Variants in LRP1B observed in about 807,000 individuals in gnomAD.
The protein encoded by LRP1B is LDL receptor related protein 1B, also known as low-density lipoprotein receptor-related protein 1B.
A neutral mutation model predicts 556.6 loss-of-function variants in LRP1B; 217 were observed. That is an observed-to-expected ratio of 0.39 (90% CI 0.35 to 0.44). The LOEUF (loss-of-function observed/expected upper bound fraction) is 0.44. Ranked by LOEUF, LRP1B falls within the 20% of genes least tolerant of loss-of-function variation. LRP1B has a pLI of 1.00. For missense variants in LRP1B, 5,053 were observed against 5,620.8 expected, an observed-to-expected ratio of 0.90 and a Z score of 3.23; for synonymous variants, 2,047 against 1,865.8, an observed-to-expected ratio of 1.10 and a Z score of -2.50.
chr2:140,314,507 G>A (rs638444), intron 83 of LRP1B, among the ~76,000 whole-genome samples: 6,594 of 152,104 alleles, frequency 0.043, 485 homozygotes, highest in African/African-American at 0.15. Flanking sequence ...TGGGAATCAG[G>A]ATGCTATCAG....
intron 2 of LRP1B, among the ~76,000 whole-genome samples, chr2:141,716,421 A>G (rs776189966): frequency 2.0e-5 from 3 of 152,170 alleles, no homozygotes; most frequent in Non-Finnish European, 4.4e-5. Flanking sequence ...AAAAGTGACA[A>G]TATGTATATA....
At chr2:140,940,738 C>T (rs1695375913) in intron 20 of LRP1B, among the ~76,000 whole-genome samples, 1 of 152,194 alleles carries the variant, frequency 6.6e-6, no homozygotes, top group African/African-American at 2.4e-5. Context: ...CATACATGTG[C>T]ATGTATCATT....
rs571255728 is a variant in LRP1B at position 141,229,507 on chromosome 2, A to T, written c.593-67T>A. ...CAAGATTATTTTACAGTTTTGCCCT[A>T]GTTATTGAAAGCTATTTTCTATACT... is the stretch of plus-strand genomic sequence containing the variant. On this transcript the variant is annotated intron_variant, in intron 5 of 90. Transcript: ENST00000389484. 2.6e-6 allele frequency: 3 copies of T among 1,172,274 alleles called. No homozygotes were observed. The South Asian group carries it at 4.2e-5, about 17-fold the overall frequency. The allele number at this position is 1,172,274 out of a possible 1,614,324, so 72.6% of individuals were successfully genotyped here. A position where few individuals can be genotyped will look rare whatever the true frequency, so the allele number is the denominator to read the frequency against.
At chr2:141,468,652 C>T (rs1262628464) in intron 3 of LRP1B, among the ~76,000 whole-genome samples, 1 of 152,086 alleles carries the variant, frequency 6.6e-6, no homozygotes, top group Admixed American at 6.6e-5. Context: ...TTTAATTAAC[C>T]TAACTAAAAA....
At chr2:141,770,964 A>G (rs1227315481) in intron 2 of LRP1B, among the ~76,000 whole-genome samples, 1 of 152,266 alleles carries the variant, frequency 6.6e-6, no homozygotes, top group Non-Finnish European at 1.5e-5. Flanking sequence ...TTGCTTAATT[A>G]TAAACAGAAT....
intron 10 of LRP1B, 120 bp downstream of exon 10, chr2:141,054,996 G>T: frequency 9.4e-7 from 1 of 1,064,452 alleles, no homozygotes; most frequent in Non-Finnish European, 1.3e-6. Context: ...GTATATATTT[G>T]CAGGCAAACT....
intron 1 of LRP1B, among the ~76,000 whole-genome samples, chr2:142,098,577 C>A (rs1398808456): frequency 2.0e-5 from 3 of 151,504 alleles, no homozygotes; most frequent in African/African-American, 7.3e-5. Context: ...CATTGCAAAA[C>A]AAAATATAGA....
chr2:140,779,971 A>C (rs1689640778), intron 32 of LRP1B, among the ~76,000 whole-genome samples: 1 of 152,076 alleles, frequency 6.6e-6, no homozygotes, highest in Non-Finnish European at 1.5e-5. Context: ...GCTATGAGGC[A>C]AGCATAAAAA....
intron 7 of LRP1B, among the ~76,000 whole-genome samples, chr2:141,098,281 A>G (rs1186357854): frequency 1.3e-5 from 2 of 152,206 alleles, no homozygotes; most frequent in African/African-American, 4.8e-5. Context: ...GAATTTGAAC[A>G]GAAAAAAATG....
intron 1 of LRP1B, among the ~76,000 whole-genome samples, chr2:141,913,635 C>T (rs1699960726): frequency 6.6e-6 from 1 of 152,088 alleles, no homozygotes. Context: ...AGAGGAATGG[C>T]AGAAGGTGAG....
chr2:141,374,846 G>A (rs1689369663), intron 3 of LRP1B, among the ~76,000 whole-genome samples: 1 of 152,168 alleles, frequency 6.6e-6, no homozygotes, highest in Non-Finnish European at 1.5e-5. Flanking sequence ...TCAATACTTT[G>A]ACTTCTTGAT....
chr2:140,779,814 A>G (rs575439142), intron 32 of LRP1B, among the ~76,000 whole-genome samples: 1 of 150,022 alleles, frequency 6.7e-6, no homozygotes, highest in African/African-American at 2.5e-5. Context: ...TATATATCAT[A>G]AATTTACCTC....
chr2:140,750,906 T>C (rs181165060), intron 35 of LRP1B, among the ~76,000 whole-genome samples: 118 of 152,084 alleles, frequency 7.8e-4, no homozygotes, highest in African/African-American at 2.6e-3. Context: ...ATTTTCCCAG[T>C]AAACTGAAAC....
intron 16 of LRP1B, 46 bp from the exon 17 acceptor site, chr2:140,989,703 AGTT>A (rs1697031620): frequency 1.3e-6 from 2 of 1,593,454 alleles, no homozygotes; most frequent in Non-Finnish European, 1.7e-6. Context: ...AATTGGATAA[AGTT>A]GTGAATATTT....
intron 3 of LRP1B, among the ~76,000 whole-genome samples, chr2:141,402,949 T>C (rs1573905485): frequency 6.6e-6 from 1 of 152,100 alleles, no homozygotes; most frequent in African/African-American, 2.4e-5. Context: ...ATTTGACTTA[T>C]AGTCATCTAA....
chr2:140,647,370 TTAA>T (rs1435531000), intron 41 of LRP1B, among the ~76,000 whole-genome samples: 2 of 152,244 alleles, frequency 1.3e-5, no homozygotes, highest in African/African-American at 2.4e-5. Flanking sequence ...TTTATATATT[TTAA>T]TAACATCTAT....
At chr2:141,271,864 G>A (rs1231598611) in intron 3 of LRP1B, among the ~76,000 whole-genome samples, 2 of 151,166 alleles carry the variant, frequency 1.3e-5, no homozygotes, top group Non-Finnish European at 3.0e-5. Flanking sequence ...GATTTATAAA[G>A]CAATTATGTA....
chr2:141,234,658 T>C (rs1051061587), intron 5 of LRP1B, among the ~76,000 whole-genome samples: 1 of 152,158 alleles, frequency 6.6e-6, no homozygotes, highest in South Asian at 2.1e-4. Context: ...ATTACAGGCA[T>C]GAGCCACTGT....
chr2:141,673,275 A>T (rs1034561537), intron 2 of LRP1B, among the ~76,000 whole-genome samples: 4 of 152,226 alleles, frequency 2.6e-5, no homozygotes, highest in African/African-American at 9.6e-5. Flanking sequence ...AAAAACCTTT[A>T]CTGCAATGTT....
Sources: allele counts gnomAD v4.1 joint callset (sites outside exome capture counted in the v4.1 genomes callset), GRCh38; gene constraint gnomAD v4.1.1; transcripts MANE v1.5; gene names NCBI Gene and HGNC (gene_info 2026-07-23, HGNC 2026-07-21).